Variants in PLD1 observed in about 807,000 individuals in gnomAD.
PLD1 encodes the protein phospholipase D1, also known as choline phosphatase 1.
In PLD1, 112 loss-of-function variants were observed where a neutral mutation model predicts 137.1. The ratio of observed to expected loss-of-function variants is 0.82; its 90% CI spans 0.70 to 0.96. The LOEUF (loss-of-function observed/expected upper bound fraction) is 0.96, where lower values mean the gene tolerates loss of function less well. Among genes scored for constraint, PLD1 ranks in the 40% least tolerant of loss-of-function variants. The pLI is 0.00. For synonymous variants in PLD1, 431 were observed against 454.7 expected, an observed-to-expected ratio of 0.95 and a Z score of 0.66; for missense variants, 1,321 against 1,342.0, an observed-to-expected ratio of 0.98 and a Z score of 0.24.
rs143219477 is a variant in PLD1, at chr3:171,642,864, T to C, written c.2569A>G (p.Ile857Val). ...YRTMCRGENS[I>V]LGQLKAELGN... ...CGCTCTGCTTTTAACTGTCCAAGGA[T>C]GGAATTTTCTCCTCTGCACATGGTT... The change falls in exon 23 of 27, where the codon ATC becomes GTC. Residue 857 changes from isoleucine to valine, a missense_variant. Ile to Val is a conservative substitution (Grantham distance 29, BLOSUM62 3). Transcript: ENST00000351298. 1.1e-4 allele frequency: 170 copies of C among 1,589,910 alleles called. No individual in the cohort carries two copies. In the African/African-American group the frequency reaches 2.2e-3, roughly 20 times the overall value.
chr3:171,618,713 AGTGTGTATGT>A lies in PLD1; in HGVS notation c.2728+1663_2728+1672del, dbSNP rs1362995869. ...TTAAATGTGCTATACAAATATTAAA[AGTGTGTATGT>A]GTGTGTGTGTGTGTGTGTGTGTGTG... On this transcript the variant is annotated intron_variant, in intron 24 of 26. Transcript: ENST00000351298. 1.6e-4 allele frequency among the ~76,000 whole-genome samples: 21 copies of A among 134,738 alleles called. 2 individuals carry two copies. The highest frequency in any genetic ancestry group is 4.3e-4 in the East Asian group (2 of 4,678). 88.4% of individuals were successfully genotyped at this position (134,738 alleles called of 152,430 possible).
At chr3:171,804,002 T>C (rs1000799677) in intron 1 of PLD1, among the ~76,000 whole-genome samples, 1 of 152,180 alleles carries the variant, frequency 6.6e-6, no homozygotes, top group African/African-American at 2.4e-5. Flanking sequence ...CTACCTTACC[T>C]CTTACCTCTT....
chr3:171,745,985 G>A (rs896002753), intron 1 of PLD1, among the ~76,000 whole-genome samples: 5 of 151,462 alleles, frequency 3.3e-5, no homozygotes, highest in Non-Finnish European at 7.4e-5. Context: ...CACTCAGAGC[G>A]GCTGGCGCCA....
chr3:171,616,158 T>C (rs746278137), intron 24 of PLD1, among the ~76,000 whole-genome samples: 1 of 152,244 alleles, frequency 6.6e-6, no homozygotes, highest in Non-Finnish European at 1.5e-5. Flanking sequence ...CCATTTTTCT[T>C]TGGACATTTG....
chr3:171,708,943 A>T (rs976205002), intron 10 of PLD1, 105 bp from the exon 11 acceptor site: 2 of 664,626 alleles, frequency 3.0e-6, no homozygotes, highest in African/African-American at 1.8e-5. Context: ...GAGTCTCCAC[A>T]TAACACATAA....
intron 11 of PLD1, among the ~76,000 whole-genome samples, chr3:171,708,393 T>C (rs1173227605): frequency 6.6e-6 from 1 of 152,156 alleles, no homozygotes; most frequent in Non-Finnish European, 1.5e-5. Flanking sequence ...AGAAGAAGTA[T>C]ATTCACTGGC....
chr3:171,782,150 T>C (rs977859805), intron 1 of PLD1, among the ~76,000 whole-genome samples: 6 of 152,218 alleles, frequency 3.9e-5, no homozygotes, highest in African/African-American at 1.4e-4. Flanking sequence ...ATACATTGTA[T>C]GATTCAATTT....
At position 171,677,594 on chromosome 3, in the gene PLD1, G is replaced by A. The variant is rs370163834; in HGVS notation, c.1968C>T (p.Asp656=). The A allele has an allele frequency of 1.4e-5, 22 of 1,613,956 alleles. No individual in the cohort carries two copies. The highest frequency in any genetic ancestry group is 1.7e-5 in the Non-Finnish European group (20 of 1,179,950). Reference sequence around the variant, plus strand: ...CAAAAGGTTTATCAAGTTGAACCCAGTCTTTGAAGACGAAATTGCAGTAGT... The same window carrying A: ...CAAAAGGTTTATCAAGTTGAACCCAATCTTTGAAGACGAAATTGCAGTAGT... The part of the protein sequence containing the change: ...GKDYCNFVFK[D]WVQLDKPFAD... Residue 656 remains aspartate (D), a synonymous_variant, in exon 17 of 27, where the codon GAC becomes GAT. Coordinates refer to ENST00000351298, the MANE Select transcript of PLD1 (RefSeq NM_002662.5).
chr3:171,604,330 A>G lies in PLD1; in HGVS notation c.3000+969T>C, dbSNP rs573710930. 9.9e-5 allele frequency among the ~76,000 whole-genome samples: 15 copies of G among 151,990 alleles called. No individual in the cohort carries two copies. In the South Asian group the frequency reaches 3.1e-3, roughly 32 times the overall value. On this transcript the variant is annotated intron_variant, in intron 26 of 26. Transcript: ENST00000351298. The stretch of plus-strand genomic sequence containing the variant: ...CTCCATGTCAATTAAAAAAAAAAAA[A>G]AAAGGAAAGAAAGAAAAGAAACAAG...
intron 1 of PLD1, among the ~76,000 whole-genome samples, chr3:171,784,208 T>C (rs1199734496): frequency 6.6e-6 from 1 of 152,232 alleles, no homozygotes; most frequent in African/African-American, 2.4e-5. Flanking sequence ...TCAGCTCAAC[T>C]CTTTGTGTCT....
In PLD1 at chr3:171,688,763, A is replaced by G; in HGVS notation, c.1452T>C (p.Tyr484=). 1 of 1,614,106 alleles carries G rather than the reference A, an allele frequency of 6.2e-7. No individual in the cohort carries two copies. The highest frequency in any genetic ancestry group is 1.1e-5 in the South Asian group (1 of 91,078). ...TGTGCTCATTGTCGTCCCACCTTCCATAGGCCAGGTCAATCCCTCCCACAA... is the reference window on the plus strand; with the variant it reads ...TGTGCTCATTGTCGTCCCACCTTCCGTAGGCCAGGTCAATCCCTCCCACAA... ...VAFVGGIDLA[Y]GRWDDNEHRL... The change falls in exon 14 of 27, where the codon TAT becomes TAC. Residue 484 remains tyrosine (Y), a synonymous_variant. Coordinates refer to ENST00000351298, the MANE Select transcript of PLD1 (RefSeq NM_002662.5).
At chr3:171,735,301 A>C (rs893776152) in intron 4 of PLD1, among the ~76,000 whole-genome samples, 191 bp downstream of exon 4, 1 of 152,000 alleles carries the variant, frequency 6.6e-6, no homozygotes, top group Non-Finnish European at 1.5e-5. Flanking sequence ...CGTCCAGCTA[A>C]ATTTTTAATT....
chr3:171,710,872 C>CTTTTTTTTTTTTTTTTTTT lies in PLD1; in HGVS notation c.912-1182_912-1164dup, dbSNP rs774704143. ...TTTCACTAATCATAGGAAAACTGTT[C>CTTTTTTTTTTTTTTTTTTT]TTTTTTTTTTTTTTTTTTTGAGACG... On this transcript the variant is annotated intron_variant, in intron 9 of 26. Coordinates refer to ENST00000351298, the MANE Select transcript of PLD1 (RefSeq NM_002662.5). Among the ~76,000 whole-genome samples, 87 of 98,562 alleles carry CTTTTTTTTTTTTTTTTTTT rather than the reference C, an allele frequency of 8.8e-4. 13 individuals carry two copies. Among genetic ancestry groups the CTTTTTTTTTTTTTTTTTTT allele is most frequent in the African/African-American group, 3.5e-3 (74 of 21,372 alleles). The allele number at this position is 98,562 out of a possible 152,430, so 64.7% of individuals were successfully genotyped here. A position where few individuals can be genotyped will look rare whatever the true frequency, so the allele number is the denominator to read the frequency against.
At chr3:171,604,025 CATGAAATAAGG>C (rs1041580160) in intron 26 of PLD1, among the ~76,000 whole-genome samples, 1 of 152,004 alleles carries the variant, frequency 6.6e-6, no homozygotes, top group Non-Finnish European at 1.5e-5. Context: ...GCCTTCGGTC[CATGAAATAAGG>C]ATGAAATAAG....
At chr3:171,805,591 C>T (rs1723811389) in intron 1 of PLD1, among the ~76,000 whole-genome samples, 1 of 152,180 alleles carries the variant, frequency 6.6e-6, no homozygotes, top group Non-Finnish European at 1.5e-5. Context: ...CCCAGTGCTT[C>T]TACCCTTTGA....
intron 20 of PLD1, among the ~76,000 whole-genome samples, chr3:171,660,647 C>A (rs372992492): frequency 2.0e-5 from 3 of 151,898 alleles, no homozygotes; most frequent in South Asian, 4.2e-4. Context: ...CTTTTGTCAC[C>A]AAGGCTTGAG....
At chr3:171,639,858 A>ATATC (rs1347325169) in intron 23 of PLD1, among the ~76,000 whole-genome samples, 2 of 143,848 alleles carry the variant, frequency 1.4e-5, no homozygotes, top group Non-Finnish European at 3.0e-5. Context: ...CTATATATAT[A>ATATC]TATATATCTC....
At chr3:171,604,318 A>T (rs79436250) in intron 26 of PLD1, among the ~76,000 whole-genome samples, 9 of 113,206 alleles carry the variant, frequency 8.0e-5, no homozygotes, top group Middle Eastern at 4.3e-3. Context: ...CATGTCAATT[A>T]AAAAAAAAAA....
intron 1 of PLD1, among the ~76,000 whole-genome samples, chr3:171,759,813 T>C (rs1291537916): frequency 1.3e-5 from 2 of 152,260 alleles, no homozygotes; most frequent in African/African-American, 2.4e-5. Flanking sequence ...ACATTTTACT[T>C]AGCAATTAGC....
Sources: gnomAD v4.1 joint callset for allele counts (sites outside exome capture counted in the v4.1 genomes callset) on GRCh38, gnomAD v4.1.1 for gene constraint, MANE v1.5 for transcripts, NCBI Gene and HGNC (gene_info 2026-07-23, HGNC 2026-07-21) for gene names.